Variants in CCDC181 observed in about 807,000 individuals in gnomAD.
CCDC181 encodes coiled-coil domain-containing protein 181.
A neutral mutation model predicts 58.7 loss-of-function variants in CCDC181; 35 were observed. That is an observed-to-expected ratio of 0.60 (90% CI 0.46 to 0.79). The LOEUF (loss-of-function observed/expected upper bound fraction) is 0.79. Among genes scored for constraint, CCDC181 ranks in the 30% least tolerant of loss-of-function variants. CCDC181 has a pLI of 0.00. For synonymous variants in CCDC181, 183 were observed against 197.5 expected, an observed-to-expected ratio of 0.93 and a Z score of 0.62; for missense variants, 517 against 583.9, an observed-to-expected ratio of 0.89 and a Z score of 1.18.
intron 4 of CCDC181, among the ~76,000 whole-genome samples, chr1:169,413,033 TTAAAC>T (rs1176790508): frequency 2.6e-5 from 4 of 152,152 alleles, no homozygotes; most frequent in Non-Finnish European, 5.9e-5. Context: ...TGGGATCTAA[TTAAAC>T]TAAAGAGCTT....
intron 2 of CCDC181, among the ~76,000 whole-genome samples, chr1:169,435,893 C>T (rs530803778): frequency 1.0e-3 from 155 of 152,108 alleles, no homozygotes; most frequent in African/African-American, 3.4e-3. Flanking sequence ...AAACCTTGTG[C>T]GATATAACTG....
At chr1:169,417,511 C>T (rs1171066523) in intron 4 of CCDC181, among the ~76,000 whole-genome samples, 1 of 152,146 alleles carries the variant, frequency 6.6e-6, no homozygotes, top group Non-Finnish European at 1.5e-5. Context: ...ACCCCCCCAA[C>T]ACCACATTTC....
chr1:169,430,144 G>A (rs900950335), upstream of CCDC181, among the ~76,000 whole-genome samples: 4 of 152,134 alleles, frequency 2.6e-5, no homozygotes, highest in African/African-American at 4.8e-5. Context: ...TGTTTCATTA[G>A]TCTATGTGCC....
At chr1:169,444,585 A>G (rs1046846985) in intron 2 of CCDC181, among the ~76,000 whole-genome samples, 1 of 152,170 alleles carries the variant, frequency 6.6e-6, no homozygotes. Context: ...AGTTTGACAA[A>G]CTACACTTCA....
At chr1:169,417,895 G>C (rs939290422) in intron 4 of CCDC181, among the ~76,000 whole-genome samples, 1 of 152,176 alleles carries the variant, frequency 6.6e-6, no homozygotes, top group African/African-American at 2.4e-5. Context: ...ACTAGGGGTA[G>C]AGACCTATAT....
At chr1:169,399,932 T>A (rs1655244340) in intron 4 of CCDC181, among the ~76,000 whole-genome samples, 1 of 152,168 alleles carries the variant, frequency 6.6e-6, no homozygotes, top group Non-Finnish European at 1.5e-5. Context: ...CTGGGGCTGC[T>A]GAGACAGCTG....
chr1:169,444,587 T>C (rs890904635), intron 2 of CCDC181, among the ~76,000 whole-genome samples: 1 of 152,186 alleles, frequency 6.6e-6, no homozygotes, highest in Non-Finnish European at 1.5e-5. Flanking sequence ...TTTGACAAAC[T>C]ACACTTCAAA....
chr1:169,416,132 G>A (rs1656202961), intron 4 of CCDC181, among the ~76,000 whole-genome samples: 1 of 152,092 alleles, frequency 6.6e-6, no homozygotes. Context: ...TTTTCTAGTG[G>A]GATCTTCTGA....
intron 4 of CCDC181, among the ~76,000 whole-genome samples, chr1:169,415,047 A>C (rs2102074861): frequency 6.6e-6 from 1 of 152,364 alleles, no homozygotes; most frequent in Non-Finnish European, 1.5e-5. Flanking sequence ...ATTTTTTGAA[A>C]TAAATTATGT....
intron 4 of CCDC181, among the ~76,000 whole-genome samples, chr1:169,400,138 G>T (rs1571460407): frequency 6.6e-6 from 1 of 152,254 alleles, no homozygotes; most frequent in East Asian, 1.9e-4. Flanking sequence ...AGACATTGGA[G>T]TTCCAATCCA....
At position 169,394,943 on chromosome 1, in the gene CCDC181, A is replaced by G. The variant is rs1654927154; in HGVS notation, c.*104T>C. ...CAAATTCACTGTCAATAAAAGATAA[A>G]TACCATTTCCATAATTTAGAATACA... On this transcript the variant is annotated 3_prime_UTR_variant, in exon 6 of 6. Transcript: ENST00000367806. 1 of 1,058,390 alleles carries G rather than the reference A, an allele frequency of 9.4e-7. No individual in the cohort carries two copies. Among genetic ancestry groups the G allele is most frequent in the African/African-American group, 1.6e-5 (1 of 61,702 alleles). 65.6% of individuals were successfully genotyped at this position (1,058,390 alleles called of 1,614,324 possible). A position where few individuals can be genotyped will look rare whatever the true frequency, so the allele number is the denominator to read the frequency against.
At chr1:169,411,111 A>T (rs1655940461) in intron 4 of CCDC181, among the ~76,000 whole-genome samples, 1 of 152,208 alleles carries the variant, frequency 6.6e-6, no homozygotes, top group African/African-American at 2.4e-5. Flanking sequence ...GGTTTTTTGA[A>T]AAGATTAACA....
intron 4 of CCDC181, among the ~76,000 whole-genome samples, chr1:169,411,572 A>G (rs1352042599): frequency 3.9e-5 from 6 of 152,210 alleles, no homozygotes; most frequent in Admixed American, 3.9e-4. Flanking sequence ...AAAGCCTGGC[A>G]GAGACACAAG....
chr1:169,453,833 A>G (rs1023730874), intron 2 of CCDC181, among the ~76,000 whole-genome samples: 9 of 151,830 alleles, frequency 5.9e-5, no homozygotes, highest in Non-Finnish European at 1.0e-4. Context: ...TGGGATCACA[A>G]TTGCCACAAT....
chr1:169,454,850 AG>A lies in CCDC181; in HGVS notation c.-24+4946del, dbSNP rs201802751. On this transcript the variant is annotated intron_variant, in intron 2 of 6. Coordinates refer to the CCDC181 transcript ENST00000545005. Reference sequence around the variant, plus strand: ...TATTATTACATGCCTTTAAAGAAAAAGTTTTATCCATTATGTGTGTTATTCT... The same window carrying A: ...TATTATTACATGCCTTTAAAGAAAAATTTTATCCATTATGTGTGTTATTCT... Among the ~76,000 whole-genome samples the A allele has an allele frequency of 5.9e-3, 900 of 152,090 alleles. 10 individuals carry two copies. Among genetic ancestry groups the A allele is most frequent in the African/African-American group, 0.021 (859 of 41,548 alleles).
intron 4 of CCDC181, among the ~76,000 whole-genome samples, chr1:169,412,579 CA>C (rs1429201173): frequency 6.6e-6 from 1 of 152,050 alleles, no homozygotes; most frequent in Non-Finnish European, 1.5e-5. Context: ...TAATCTAAAG[CA>C]AAAAGAACAA....
intron 4 of CCDC181, among the ~76,000 whole-genome samples, chr1:169,417,534 A>T (rs1300185337): frequency 6.6e-6 from 1 of 152,136 alleles, no homozygotes; most frequent in Non-Finnish European, 1.5e-5. Flanking sequence ...ATACCCTAGA[A>T]GCTCTCTGAA....
At chr1:169,451,731 T>A (rs1273182286) in intron 2 of CCDC181, among the ~76,000 whole-genome samples, 12 of 145,750 alleles carry the variant, frequency 8.2e-5, no homozygotes, top group East Asian at 4.0e-4. Context: ...TGGCGCAATT[T>A]AAAGAAAAAA....
intron 2 of CCDC181, among the ~76,000 whole-genome samples, chr1:169,434,316 C>A (rs1000401601): frequency 6.6e-6 from 1 of 151,894 alleles, no homozygotes; most frequent in East Asian, 1.9e-4. Flanking sequence ...AATTGAAACC[C>A]TTATGCACTG....
Sources: allele counts gnomAD v4.1 joint callset (sites outside exome capture counted in the v4.1 genomes callset), GRCh38; gene constraint gnomAD v4.1.1; transcripts MANE v1.5; gene names NCBI Gene and HGNC (gene_info 2026-07-23, HGNC 2026-07-21).